The following CHD6 variants were observed in gnomAD, a reference collection of about 807,000 sequenced individuals.
CHD6 encodes ATP-dependent chromatin remodeler CHD6.
CHD6 carries 50 observed loss-of-function variants against 276.9 expected under a neutral mutation model. That is an observed-to-expected ratio of 0.18 (90% CI 0.14 to 0.23). The LOEUF (loss-of-function observed/expected upper bound fraction) is 0.23, where lower values mean the gene tolerates loss of function less well. CHD6 is among the 10% of genes least tolerant of loss of function. The pLI is 1.00. For missense variants in CHD6, 2,564 were observed against 3,365.8 expected, an observed-to-expected ratio of 0.76 and a Z score of 5.89; for synonymous variants, 1,173 against 1,229.3, an observed-to-expected ratio of 0.95 and a Z score of 0.96.
Position 41,520,946 on chromosome 20 carries a change from G to C in CHD6, c.555-5994C>G, listed in dbSNP as rs142104073. Among the ~76,000 whole-genome samples the C allele has an allele frequency of 8.2e-4, 125 of 152,014 alleles. 1 individual carries two copies. The highest frequency in any genetic ancestry group is 2.9e-3 in the African/African-American group (120 of 41,448). On this transcript the variant is annotated intron_variant, in intron 3 of 36. Transcript: ENST00000373233. The stretch of plus-strand genomic sequence containing the variant: ...GTAAGAATAAAGGGAAAATAAAAAA[G>C]CATGTACACATCTATTAATACAAAA...
chr20:41,543,041 T>C (rs1473360432), intron 2 of CHD6, among the ~76,000 whole-genome samples: 5 of 150,702 alleles, frequency 3.3e-5, no homozygotes, highest in African/African-American at 7.3e-5. Flanking sequence ...GAGGTGGAGA[T>C]TGCGGTGAGC....
chr20:41,512,024 A>G (rs932362172), intron 5 of CHD6, among the ~76,000 whole-genome samples: 2 of 152,170 alleles, frequency 1.3e-5, no homozygotes, highest in Admixed American at 1.3e-4. Flanking sequence ...CTGGAGTATA[A>G]TGACGCGATC....
chr20:41,418,922 C>T (rs2047091216), intron 31 of CHD6, among the ~76,000 whole-genome samples: 1 of 152,228 alleles, frequency 6.6e-6, no homozygotes, highest in Admixed American at 6.5e-5. Context: ...TCAAAGGACA[C>T]CAGTTCAGGA....
chr20:41,425,810 A>C (rs1484746669), intron 28 of CHD6, among the ~76,000 whole-genome samples: 1 of 151,816 alleles, frequency 6.6e-6, no homozygotes, highest in Non-Finnish European at 1.5e-5. Context: ...CAAAAAAAAC[A>C]AAAAAAACCC....
intron 17 of CHD6, among the ~76,000 whole-genome samples, chr20:41,463,560 C>G (rs1470872686): frequency 6.6e-6 from 1 of 152,118 alleles, no homozygotes; most frequent in African/African-American, 2.4e-5. Flanking sequence ...TGTAGTAGTA[C>G]TAAACCTAGA....
intron 17 of CHD6, chr20:41,461,875 C>T (rs1033020855): frequency 3.9e-5 from 6 of 152,386 alleles, no homozygotes; most frequent in African/African-American, 1.4e-4. Context: ...GGCAACAGAA[C>T]AGACCCTGGG....
intron 1 of CHD6, among the ~76,000 whole-genome samples, chr20:41,563,512 T>C (rs1323358333): frequency 6.6e-6 from 1 of 152,126 alleles, no homozygotes; most frequent in Non-Finnish European, 1.5e-5. Context: ...ATGGCCAAAC[T>C]CTTTGATTTC....
rs772876464 is a variant in CHD6, at chr20:41,440,078, T to A, written c.3929A>T (p.Glu1310Val). 2 of 1,614,012 alleles carry A rather than the reference T, an allele frequency of 1.2e-6. No individual in the cohort carries two copies. Among genetic ancestry groups the A allele is most frequent in the Non-Finnish European group, 1.7e-6 (2 of 1,179,906 alleles). ...MRADPALCFL[E>V]KVGMPDEKSL... ...CTTCTCATCGGGCATCCCAACTTTC[T>A]CCAGGAAGCAAAGTGCTGGGTCTGC... The change falls in exon 26 of 37, where the codon GAG becomes GTG. Residue 1310 changes from glutamate (E) to valine (V), a missense_variant. Glu to Val is a moderately radical substitution (Grantham distance 121). Around this residue, in one of 7 missense-constraint regions of CHD6, gnomAD observed 515 missense variants for 739.5 expected, o/e 0.70. Transcript: ENST00000373233.
chr20:41,563,586 T>C (rs1240934891), intron 1 of CHD6, among the ~76,000 whole-genome samples: 1 of 152,180 alleles, frequency 6.6e-6, no homozygotes, highest in Non-Finnish European at 1.5e-5. Context: ...TTCATCTTCC[T>C]TGGTCAGAAA....
intron 1 of CHD6, chr20:41,563,924 T>C (rs967262167): frequency 6.1e-6 from 4 of 653,000 alleles, no homozygotes; most frequent in East Asian, 5.2e-5. Context: ...CAACACTCTA[T>C]ATATTCAGTT....
At chr20:41,418,357 G>A (rs1452828858) in intron 31 of CHD6, among the ~76,000 whole-genome samples, 1 of 152,176 alleles carries the variant, frequency 6.6e-6, no homozygotes. Flanking sequence ...TTGTTAGAGA[G>A]TCTCTCGGAG....
chr20:41,602,453 A>G (rs1239199865), intron 1 of CHD6, among the ~76,000 whole-genome samples: 1 of 152,170 alleles, frequency 6.6e-6, no homozygotes, highest in Non-Finnish European at 1.5e-5. Context: ...CCAAGGAGTA[A>G]AACTGCCAGT....
intron 2 of CHD6, among the ~76,000 whole-genome samples, chr20:41,537,863 T>C (rs528740936): frequency 6.8e-6 from 1 of 146,582 alleles, no homozygotes; most frequent in East Asian, 2.1e-4. Flanking sequence ...ATCCAGCAAT[T>C]CCATCATAGA....
intron 31 of CHD6, 62 bp downstream of exon 31, chr20:41,420,446 C>T (rs117934151): frequency 3.9e-6 from 6 of 1,519,686 alleles, no homozygotes; most frequent in South Asian, 1.3e-5. Flanking sequence ...CCCCTAAAAC[C>T]CAACCCCCCG....
At chr20:41,605,018 T>TA (rs902006306) in intron 1 of CHD6, among the ~76,000 whole-genome samples, 20 of 152,208 alleles carry the variant, frequency 1.3e-4, no homozygotes, top group African/African-American at 4.6e-4. Flanking sequence ...TCCTGAGTGA[T>TA]ATAATTACAC....
chr20:41,515,019 A>G, intron 3 of CHD6, 67 bp from the exon 4 acceptor site: 1 of 1,520,952 alleles, frequency 6.6e-7, no homozygotes, highest in Non-Finnish European at 9.0e-7. Context: ...TCATGTGATC[A>G]ACGTCATGAA....
intron 1 of CHD6, 66 bp downstream of exon 1, chr20:41,618,274 G>A (rs1318136160): frequency 1.3e-5 from 2 of 151,698 alleles, no homozygotes; most frequent in East Asian, 3.9e-4. Context: ...CGGGGCCGGG[G>A]ACCCGCGGAC....
At chr20:41,502,072 A>G (rs1043164250) in intron 5 of CHD6, among the ~76,000 whole-genome samples, 3 of 152,346 alleles carry the variant, frequency 2.0e-5, no homozygotes, top group Admixed American at 6.5e-5. Flanking sequence ...CTACCAGTCT[A>G]TGGTTTGCCT....
At chr20:41,564,272 CAGCATATAAGACA>C in intron 1 of CHD6, 1 of 580,764 alleles carries the variant, frequency 1.7e-6, no homozygotes, top group Non-Finnish European at 3.1e-6. Context: ...TTTTCCAAAA[CAGCATATAAGACA>C]CAAAAAACTC....
Sources: allele counts gnomAD v4.1 joint callset (sites outside exome capture counted in the v4.1 genomes callset), GRCh38; gene constraint gnomAD v4.1.1; regional missense constraint gnomAD v4.1.1; transcripts MANE v1.5; gene names NCBI Gene and HGNC (gene_info 2026-07-23, HGNC 2026-07-21).